The following CORO1C variants were observed in gnomAD, a reference collection of about 807,000 sequenced individuals.
The protein encoded by CORO1C is coronin 1C.
Under a neutral mutation model 51.2 loss-of-function variants are expected in CORO1C, and 14 were observed. That is an observed-to-expected ratio of 0.27 (90% CI 0.18 to 0.43). CORO1C has a LOEUF of 0.43. CORO1C is among the 20% of genes least tolerant of loss of function. The pLI, the probability that CORO1C is intolerant of heterozygous loss-of-function variation, is 1.00. For missense variants in CORO1C, 417 were observed against 607.8 expected (o/e 0.69, Z 3.30); for synonymous variants, 181 against 210.5 (o/e 0.86, Z 1.21).
At chr12:108,674,714 G>A (rs2033844239) in intron 3 of CORO1C, among the ~76,000 whole-genome samples, 1 of 152,170 alleles carries the variant, frequency 6.6e-6, no homozygotes, top group African/African-American at 2.4e-5. Flanking sequence ...GAGAACTAGA[G>A]AATAAAAAGT....
chr12:108,668,860 A>G (rs1228199131), intron 3 of CORO1C, among the ~76,000 whole-genome samples: 4 of 152,226 alleles, frequency 2.6e-5, no homozygotes, highest in South Asian at 2.1e-4. Context: ...TTAAAGCACT[A>G]TTATTTTCTT....
intron 2 of CORO1C, among the ~76,000 whole-genome samples, chr12:108,697,949 G>C (rs956567061): frequency 3.9e-5 from 6 of 152,230 alleles, no homozygotes; most frequent in Non-Finnish European, 8.8e-5. Context: ...CAAGAAGGCA[G>C]TCAGCCCCAT....
At chr12:108,694,917 A>C (rs139821097) in intron 2 of CORO1C, among the ~76,000 whole-genome samples, 124 of 152,378 alleles carry the variant, frequency 8.1e-4, no homozygotes, top group African/African-American at 2.9e-3. Context: ...ATACAGTCTA[A>C]GAATATATGT....
intron 2 of CORO1C, among the ~76,000 whole-genome samples, chr12:108,688,779 T>C (rs879581805): frequency 1.4e-4 from 22 of 152,152 alleles, no homozygotes; most frequent in Non-Finnish European, 2.5e-4. Flanking sequence ...CTCACACTTG[T>C]AATCCCAGCA....
At chr12:108,687,303 A>C (rs990051862) in intron 2 of CORO1C, among the ~76,000 whole-genome samples, 5 of 152,192 alleles carry the variant, frequency 3.3e-5, no homozygotes, top group African/African-American at 1.2e-4. Context: ...AATCTTAAGA[A>C]ATCCGGCGAA....
At chr12:108,703,600 A>T (rs2034941696) in intron 1 of CORO1C, among the ~76,000 whole-genome samples, 1 of 152,238 alleles carries the variant, frequency 6.6e-6, no homozygotes, top group Non-Finnish European at 1.5e-5. Flanking sequence ...GTGAATCCCC[A>T]GAACACTCCA....
rs565578461 is a variant in CORO1C, at chr12:108,678,507, G to C, written c.196-113C>G. On this transcript the variant is annotated intron_variant, in intron 2 of 10. Transcript: ENST00000261401. ...TCCACCCAAAACTCTCAATTTTCTA[G>C]ATATGACATCGTATAGTCAATATCA... 3 of 883,148 alleles carry C rather than the reference G, an allele frequency of 3.4e-6. No homozygotes were observed. In the African/African-American group the frequency reaches 5.2e-5, roughly 15 times the overall value. 54.7% of individuals were successfully genotyped at this position (883,148 alleles called of 1,614,324 possible).
rs770362160 is a variant in CORO1C at position 108,646,540 on chromosome 12, G to A, written c.*863C>T. 1.3e-5 allele frequency: 2 copies of A among 152,234 alleles called. No individual in the cohort carries two copies. Among genetic ancestry groups the A allele is most frequent in the African/African-American group, 2.4e-5 (1 of 41,450 alleles). 9.4% of individuals were successfully genotyped at this position (152,234 alleles called of 1,614,324 possible). On this transcript the variant is annotated 3_prime_UTR_variant, in exon 11 of 11. Transcript: ENST00000261401. ...TGATGAATGCAATATGATCCTAGGT[G>A]TGTAACAAACTGCAGAAACACATGC...
At chr12:108,674,803 G>T (rs1373106645) in intron 3 of CORO1C, among the ~76,000 whole-genome samples, 1 of 152,196 alleles carries the variant, frequency 6.6e-6, no homozygotes. Context: ...TTATGGATAA[G>T]CAAAGAAAAT....
chr12:108,706,747 C>T (rs140504503), intron 1 of CORO1C, among the ~76,000 whole-genome samples: 5,354 of 152,178 alleles, frequency 0.035, 108 homozygotes, highest in South Asian at 0.055. Context: ...CTGCACCCAG[C>T]TAATTTTTGT....
intron 1 of CORO1C, among the ~76,000 whole-genome samples, chr12:108,705,375 G>A (rs2034995905): frequency 7.0e-6 from 1 of 142,472 alleles, no homozygotes; most frequent in African/African-American, 2.6e-5. Context: ...CATAAGAATT[G>A]CTTGAACCTG....
At chr12:108,714,747 A>G (rs2035281776) in intron 1 of CORO1C, among the ~76,000 whole-genome samples, 2 of 152,318 alleles carry the variant, frequency 1.3e-5, no homozygotes, top group African/African-American at 4.8e-5. Flanking sequence ...TGGGGGACAC[A>G]GTGATACCCA....
chr12:108,722,510 C>T (rs1397377504), intron 1 of CORO1C, among the ~76,000 whole-genome samples: 1 of 152,216 alleles, frequency 6.6e-6, no homozygotes, highest in Non-Finnish European at 1.5e-5. Context: ...TGACTACCAG[C>T]TCCCAAGATC....
intron 1 of CORO1C, among the ~76,000 whole-genome samples, chr12:108,714,930 C>CT (rs1396606267): frequency 2.0e-5 from 3 of 152,172 alleles, no homozygotes; most frequent in African/African-American, 7.2e-5. Context: ...TAAGCACTCA[C>CT]TGGCAATGTG....
intron 3 of CORO1C, among the ~76,000 whole-genome samples, chr12:108,669,312 T>A (rs556137578): frequency 1.7e-4 from 26 of 152,360 alleles, no homozygotes; most frequent in African/African-American, 6.3e-4. Flanking sequence ...GTTCATTTGA[T>A]AAACTGGTTC....
chr12:108,691,147 A>C (rs2136851017), intron 2 of CORO1C, among the ~76,000 whole-genome samples: 1 of 152,282 alleles, frequency 6.6e-6, no homozygotes, highest in Middle Eastern at 3.4e-3. Flanking sequence ...TCAGTTCCAC[A>C]CAAGCAAGAG....
rs1193338916 is a variant in CORO1C, at chr12:108,658,210, T to A, written c.630+528A>T. The stretch of plus-strand genomic sequence containing the variant: ...CGCATTTATTTATTTATTTATTTAT[T>A]TATTTTTGTATTTTTAGTAGAGACA... On this transcript the variant is annotated intron_variant, in intron 5 of 10. Transcript: ENST00000261401. This position sits in a 1 kb window ranked among gnomAD's most constrained non-coding sequence, Gnocchi z 4.9. 6.6e-6 allele frequency among the ~76,000 whole-genome samples: 1 copy of A among 152,092 alleles called. No individual in the cohort carries two copies. Among genetic ancestry groups the A allele is most frequent in the South Asian group, 2.1e-4 (1 of 4,824 alleles).
At chr12:108,692,861 T>A (rs10861963) in intron 2 of CORO1C, among the ~76,000 whole-genome samples, 7 of 147,252 alleles carry the variant, frequency 4.8e-5, no homozygotes, top group Admixed American at 2.7e-4. Flanking sequence ...GCAATGGTGC[T>A]ATCTCAGCTC....
At chr12:108,693,422 C>T (rs1297247718) in intron 2 of CORO1C, among the ~76,000 whole-genome samples, 2 of 152,142 alleles carry the variant, frequency 1.3e-5, no homozygotes, top group East Asian at 3.9e-4. Context: ...AAAGATGATA[C>T]AAACGAAAGA....
Sources: gnomAD v4.1 joint callset for allele counts (sites outside exome capture counted in the v4.1 genomes callset) on GRCh38, gnomAD v4.1.1 for gene constraint, Gnocchi (gnomAD v3.1) non-coding constraint, MANE v1.5 for transcripts, NCBI Gene and HGNC (gene_info 2026-07-23, HGNC 2026-07-21) for gene names.